The following ADK variants were observed in gnomAD, a reference collection of about 807,000 sequenced individuals.
ADK encodes the protein adenosine kinase, also known as N6,N6-dimethyladenosine kinase.
In ADK, 24 loss-of-function variants were observed where a neutral mutation model predicts 44.7. The observed-to-expected ratio is 0.54, with a 90% CI of 0.39 to 0.76. ADK has a LOEUF of 0.76. Among genes scored for constraint, ADK ranks in the 30% least tolerant of loss-of-function variants. ADK has a pLI of 0.00. For missense variants in ADK, 321 were observed against 425.1 expected (o/e 0.76, Z 2.15); for synonymous variants, 128 against 142.6 (o/e 0.90, Z 0.73).
chr10:74,635,949 G>A (rs918154867), intron 9 of ADK, among the ~76,000 whole-genome samples: 1 of 151,498 alleles, frequency 6.6e-6, no homozygotes, highest in Non-Finnish European at 1.5e-5. Flanking sequence ...TTAGCTGGGC[G>A]CAGTGGCACA....
intron 2 of ADK, among the ~76,000 whole-genome samples, chr10:74,222,322 C>T (rs1401803241): frequency 6.6e-6 from 1 of 151,646 alleles, no homozygotes; most frequent in African/African-American, 2.4e-5. Flanking sequence ...TATCATCTCA[C>T]ACCAGTTAGA....
intron 6 of ADK, among the ~76,000 whole-genome samples, chr10:74,473,296 A>G (rs1488679815): frequency 6.6e-6 from 1 of 152,178 alleles, no homozygotes. Flanking sequence ...ATGTTCTAAG[A>G]TAGTAAAAAT....
intron 7 of ADK, among the ~76,000 whole-genome samples, chr10:74,572,679 T>A (rs1851014466): frequency 6.6e-6 from 1 of 152,222 alleles, no homozygotes; most frequent in Admixed American, 6.5e-5. Context: ...TAGTCCCATA[T>A]TTCTTGGAGG....
intron 1 of ADK, among the ~76,000 whole-genome samples, chr10:74,182,348 T>TTTTTTTTA (rs1554826373): frequency 6.9e-6 from 1 of 145,650 alleles, no homozygotes; most frequent in African/African-American, 2.5e-5. Flanking sequence ...ACAGAAATCT[T>TTTTTTTTA]TTTATTTATT....
At chr10:74,458,301 T>TTTG in intron 6 of ADK, among the ~76,000 whole-genome samples, 1 of 144,310 alleles carries the variant, frequency 6.9e-6, no homozygotes, top group Non-Finnish European at 1.5e-5. Context: ...CAGGTTTTGT[T>TTTG]TTTTTTTTTT....
chr10:74,639,784 C>T (rs1482649343), intron 9 of ADK, among the ~76,000 whole-genome samples: 1 of 152,008 alleles, frequency 6.6e-6, no homozygotes, highest in Non-Finnish European at 1.5e-5. Context: ...TGCGGTGAGC[C>T]GAGATCTCGC....
At chr10:74,344,564 C>A in intron 4 of ADK, 1 of 254,008 alleles carries the variant, frequency 3.9e-6, no homozygotes. Flanking sequence ...CCAAGTAGTC[C>A]TGCTTTGGCT....
intron 1 of ADK, among the ~76,000 whole-genome samples, chr10:74,177,947 T>A (rs367894306): frequency 0.036 from 2,182 of 60,234 alleles, 29 homozygotes; most frequent in East Asian, 0.056. Context: ...ATATATATAT[T>A]TTTTTTTTTT....
chr10:74,262,847 G>A (rs1846086851), intron 3 of ADK, among the ~76,000 whole-genome samples: 1 of 152,148 alleles, frequency 6.6e-6, no homozygotes, highest in African/African-American at 2.4e-5. Context: ...TTCTTTGAAT[G>A]GACTGTGATG....
chr10:74,290,078 G>GCACACACACACA, intron 3 of ADK, among the ~76,000 whole-genome samples: 1 of 149,122 alleles, frequency 6.7e-6, no homozygotes, highest in Admixed American at 6.7e-5. Context: ...CTACTCACGC[G>GCACACACACACA]CACACACACA....
chr10:74,559,392 T>C (rs1031824729), intron 7 of ADK, among the ~76,000 whole-genome samples: 3 of 152,274 alleles, frequency 2.0e-5, no homozygotes, highest in Admixed American at 1.3e-4. Context: ...TACAAACTTA[T>C]CTATCTGCCT....
chr10:74,680,317 G>GA (rs35798713), intron 10 of ADK, among the ~76,000 whole-genome samples: 85 of 138,076 alleles, frequency 6.2e-4, no homozygotes, highest in South Asian at 6.9e-4. Flanking sequence ...TCCATCTCAA[G>GA]AAAAAAAAAA....
intron 10 of ADK, among the ~76,000 whole-genome samples, chr10:74,676,768 G>C (rs914080103): frequency 6.6e-6 from 1 of 152,092 alleles, no homozygotes; most frequent in Non-Finnish European, 1.5e-5. Flanking sequence ...TGGGATTACA[G>C]ACATGAGCCA....
chr10:74,345,887 T>TTTGTTG (rs376037394), intron 4 of ADK, among the ~76,000 whole-genome samples: 16 of 151,926 alleles, frequency 1.1e-4, no homozygotes, highest in African/African-American at 3.4e-4. Flanking sequence ...TTTCTGGGTT[T>TTTGTTG]TTGTTGTTGT....
intron 9 of ADK, among the ~76,000 whole-genome samples, chr10:74,615,051 T>G (rs1589299394): frequency 6.6e-6 from 1 of 152,210 alleles, no homozygotes; most frequent in African/African-American, 2.4e-5. Context: ...TACAACTTCT[T>G]CCTTTGACAT....
At chr10:74,459,731 AAAAAAAAAAAAG>A (rs1846095552) in intron 6 of ADK, among the ~76,000 whole-genome samples, 1 of 145,958 alleles carries the variant, frequency 6.9e-6, no homozygotes, top group Non-Finnish European at 1.5e-5. Flanking sequence ...CCATCTCAAA[AAAAAAAAAAAAG>A]AAAAAAAAGA....
At chr10:74,599,145 TAGTC>T (rs1852030257) in intron 8 of ADK, among the ~76,000 whole-genome samples, 1 of 152,196 alleles carries the variant, frequency 6.6e-6, no homozygotes, top group Non-Finnish European at 1.5e-5. Context: ...GAAAGCGAAA[TAGTC>T]AGCATGTTTG....
chr10:74,665,482 C>G (rs998985949), intron 9 of ADK, among the ~76,000 whole-genome samples: 1 of 152,030 alleles, frequency 6.6e-6, no homozygotes, highest in Non-Finnish European at 1.5e-5. Flanking sequence ...TGACTCATGC[C>G]TGGTGTTTAG....
intron 4 of ADK, among the ~76,000 whole-genome samples, chr10:74,386,676 A>G (rs1158259720): frequency 6.6e-6 from 1 of 152,148 alleles, no homozygotes; most frequent in Non-Finnish European, 1.5e-5. Context: ...TTGAAGTGGT[A>G]TTTACTGATC....
Sources: gnomAD v4.1 joint callset for allele counts (sites outside exome capture counted in the v4.1 genomes callset) on GRCh38, gnomAD v4.1.1 for gene constraint, MANE v1.5 for transcripts, NCBI Gene and HGNC (gene_info 2026-07-23, HGNC 2026-07-21) for gene names.